Variants in CCDC136 observed in about 807,000 individuals in gnomAD.
CCDC136 encodes the protein coiled-coil domain-containing protein 136.
CCDC136 carries 100 observed loss-of-function variants against 141.2 expected under a neutral mutation model. The observed-to-expected ratio is 0.71, with a 90% CI of 0.60 to 0.84. CCDC136 has a LOEUF of 0.84. CCDC136 is among the 40% of genes least tolerant of loss of function. The pLI is 0.00. For synonymous variants in CCDC136, 474 were observed against 531.9 expected, an observed-to-expected ratio of 0.89 and a Z score of 1.50; for missense variants, 1,206 against 1,379.4, an observed-to-expected ratio of 0.87 and a Z score of 1.99.
intron 8 of CCDC136, 21 bp downstream of exon 8, chr7:128,806,416 G>C (rs767064578): frequency 6.3e-7 from 1 of 1,587,358 alleles, no homozygotes; most frequent in Middle Eastern, 1.7e-4. Context: ...CCAGAGGTGA[G>C]GGGACAACTT....
At position 128,815,701 on chromosome 7, in the gene CCDC136, G is replaced by C; in HGVS notation, c.3133G>C (p.Glu1045Gln). The change falls in exon 16 of 18, where the codon GAG (glutamate) becomes CAG (glutamine). Residue 1045 changes from glutamate (E) to glutamine (Q), a missense_variant. Glu to Gln is a conservative substitution (Grantham distance 29). Transcript: ENST00000297788. ...GGAGGAAAAGAAAGAGGAGATGGAGGAGGAAAAAAAGCAAGTGAAAGAGGA... is the reference window on the plus strand; with the variant it reads ...GGAGGAAAAGAAAGAGGAGATGGAGCAGGAAAAAAAGCAAGTGAAAGAGGA... ...KEEEKKEEME[E>Q]EKKQVKEEAK... The C allele has an allele frequency of 6.4e-7, 1 of 1,555,576 alleles. No homozygotes were observed. Among genetic ancestry groups the C allele is most frequent in the Non-Finnish European group, 8.7e-7 (1 of 1,149,330 alleles).
chr7:128,812,138 CTA>C lies in CCDC136; in HGVS notation c.2369_2370del (p.Tyr790Ter), dbSNP rs1316291071. On this transcript the variant is annotated frameshift_variant, in exon 13 of 18. Transcript: ENST00000297788. LOFTEE classifies it high-confidence loss of function. ...CCAGCAGCAAGAGCTTTCTCAAGAG[CTA>C]TGACAGCAGCACCAGTGCCAGTGAG... ...QTSSKSFLKSYDSSTSASEAY... is the reference protein window; with the variant it reads ...QTSSKSFLKSXDSSTSASEAY... The C allele has an allele frequency of 1.2e-6, 2 of 1,613,890 alleles. No homozygotes were observed. The highest frequency in any genetic ancestry group is 1.7e-6 in the Non-Finnish European group (2 of 1,179,898).
intron 15 of CCDC136, 71 bp from the exon 16 acceptor site, chr7:128,815,543 A>T: frequency 6.9e-7 from 1 of 1,452,980 alleles, no homozygotes; most frequent in Non-Finnish European, 9.2e-7. Context: ...TGGAGCTAGT[A>T]CAGCATTGTC....
chr7:128,805,998 C>T lies in CCDC136; in HGVS notation c.1089+97C>T, dbSNP rs1012204566. The T allele has an allele frequency of 2.6e-5, 37 of 1,415,378 alleles. No individual in the cohort carries two copies. In the African/African-American group the frequency reaches 3.5e-4, roughly 13 times the overall value. 87.7% of individuals were successfully genotyped at this position (1,415,378 alleles called of 1,614,324 possible). A position where few individuals can be genotyped will look rare whatever the true frequency, so the allele number is the denominator to read the frequency against. On this transcript the variant is annotated intron_variant, in intron 7 of 17. Coordinates refer to ENST00000297788, the MANE Select transcript of CCDC136 (RefSeq NM_022742.5). This position sits in a 1 kb window ranked among gnomAD's most constrained non-coding sequence, Gnocchi z 4.6. ...TGGGCACAGTGAGTATGGCTGTGCT[C>T]TGCTGACTCTTGCCCTGCAACTGGG...
Position 128,805,567 on chromosome 7 carries a change from T to G in CCDC136, c.948+43T>G, listed in dbSNP as rs369731554. 4,008 of 1,566,204 alleles carry G rather than the reference T, an allele frequency of 2.6e-3. 132 individuals carry two copies. The South Asian group carries it at 0.046, about 18-fold the overall frequency. On this transcript the variant is annotated intron_variant, in intron 6 of 17. Transcript: ENST00000297788. The surrounding 1 kb of genome is among the most constrained non-coding windows in gnomAD (Gnocchi z 4.6). ...GGGAAGGCAGGCACATTTCTTGTCT[T>G]TCTTTCACCTTCTCCCAGCCTGTGG...
At chr7:128,809,707 A>C in intron 11 of CCDC136, 63 bp downstream of exon 11, 1 of 1,222,230 alleles carries the variant, frequency 8.2e-7, no homozygotes. Flanking sequence ...TCCCTGTGTG[A>C]CTAGGGAAAA....
Position 128,817,819 on chromosome 7 carries a change from C to G in CCDC136, c.3425C>G (p.Ser1142Trp). The G allele has an allele frequency of 1.2e-6, 2 of 1,613,876 alleles. No individual in the cohort carries two copies. The highest frequency in any genetic ancestry group is 1.7e-6 in the Non-Finnish European group (2 of 1,179,864). Residue 1142 changes from serine to tryptophan, a missense_variant, in exon 17 of 18, where the codon TCG becomes TGG. Transcript: ENST00000297788. This position sits in a 1 kb window ranked among gnomAD's most constrained non-coding sequence, Gnocchi z 4.6. The stretch of plus-strand genomic sequence containing the variant: ...CCTCTTGTAGGCCTGGTGGTCATCT[C>G]GGCTTTGCTCTGGTGCTGGTGGGCT... ...SLPLVGLVVI[S>W]ALLWCWWAET...
In CCDC136 at chr7:128,801,383, C is replaced by T. The variant is rs1443752617; in HGVS notation, c.544C>T (p.Leu182Phe). ...GGATCTCTGCCGGATGCAGAATGAA[C>T]TTGAAGACATGGAACGCATTCGGGG... is the stretch of plus-strand genomic sequence containing the variant. ...QEDLCRMQNE[L>F]EDMERIRGDY... The change falls in exon 4 of 18, where the codon CTT (leucine) becomes TTT (phenylalanine). Residue 182 changes from leucine (L) to phenylalanine (F), a missense_variant. Physicochemically the swap from Leu to Phe is conservative, Grantham distance 22. Transcript: ENST00000297788. The T allele has an allele frequency of 2.2e-5, 36 of 1,613,408 alleles. No homozygotes were observed. The highest frequency in any genetic ancestry group is 2.8e-5 in the Non-Finnish European group (33 of 1,179,674).
chr7:128,820,515 C>T (rs979254755), intron 17 of CCDC136, among the ~76,000 whole-genome samples: 2 of 152,202 alleles, frequency 1.3e-5, no homozygotes, highest in Non-Finnish European at 2.9e-5. Flanking sequence ...TTTAAGAACA[C>T]CAGACTAACA....
chr7:128,815,706 A>T lies in CCDC136; in HGVS notation c.3138A>T (p.Glu1046Asp), dbSNP rs777801365. The change falls in exon 16 of 18, where the codon GAA becomes GAT. Residue 1046 changes from glutamate (E) to aspartate (D), a missense_variant. Coordinates refer to ENST00000297788, the MANE Select transcript of CCDC136 (RefSeq NM_022742.5). Reference protein sequence around the residue: ...EEEKKEEMEEEKKQVKEEAKE... With the variant: ...EEEKKEEMEEDKKQVKEEAKE... Reference sequence around the variant, plus strand: ...AAAAGAAAGAGGAGATGGAGGAGGAAAAAAAGCAAGTGAAAGAGGAAGCAA... The same window carrying T: ...AAAAGAAAGAGGAGATGGAGGAGGATAAAAAGCAAGTGAAAGAGGAAGCAA... 5.1e-6 allele frequency: 8 copies of T among 1,556,110 alleles called. No homozygotes were observed. The South Asian group carries it at 9.5e-5, about 18-fold the overall frequency.
intron 3 of CCDC136, among the ~76,000 whole-genome samples, chr7:128,796,739 ATTCTTTTT>A (rs1350784424): frequency 8.8e-6 from 1 of 113,384 alleles, no homozygotes; most frequent in African/African-American, 4.6e-5. Context: ...ATATATATAT[ATTCTTTTT>A]TTTTTTTTTT....
chr7:128,811,779 T>A (rs1244337776), intron 12 of CCDC136, 21 bp from the exon 13 acceptor site: 2 of 1,543,178 alleles, frequency 1.3e-6, no homozygotes, highest in African/African-American at 1.4e-5. Context: ...AATGATACTG[T>A]CTCCCCACCC....
In CCDC136 at chr7:128,813,582, G is replaced by A. The variant is rs188268611; in HGVS notation, c.2763+653G>A. Among the ~76,000 whole-genome samples the A allele has an allele frequency of 1.5e-3, 232 of 152,296 alleles. 1 individual carries two copies. The highest frequency in any genetic ancestry group is 5.2e-3 in the Admixed American group (80 of 15,296). On this transcript the variant is annotated intron_variant, in intron 14 of 17. Transcript: ENST00000297788. ...GGATGTGACTTGCCTCTGTTTCCAG[G>A]GTGAGGTGCAGGAGCCCAGTACACA...
intron 1 of CCDC136, 142 bp downstream of exon 1, chr7:128,792,569 G>A (rs776154433): frequency 1.4e-5 from 9 of 629,640 alleles, no homozygotes; most frequent in Non-Finnish European, 2.5e-5. Flanking sequence ...GCAGCTCAGA[G>A]CTCCAGCCCT....
In CCDC136 at chr7:128,805,708, A is replaced by G; in HGVS notation, c.949-53A>G. 1 of 1,602,240 alleles carries G rather than the reference A, an allele frequency of 6.2e-7. No homozygotes were observed. Among genetic ancestry groups the G allele is most frequent in the Non-Finnish European group, 8.5e-7 (1 of 1,172,828 alleles). ...ATGCTTTCCCCAAGCTTGTTCTTGG[A>G]GCATATGTGGTATCTGTAGTAAACA... On this transcript the variant is annotated intron_variant, in intron 6 of 17. Coordinates refer to ENST00000297788, the MANE Select transcript of CCDC136 (RefSeq NM_022742.5). This position sits in a 1 kb window ranked among gnomAD's most constrained non-coding sequence, Gnocchi z 4.6.
chr7:128,808,843 C>T (rs1257583821), intron 10 of CCDC136: 5 of 985,304 alleles, frequency 5.1e-6, no homozygotes, highest in East Asian at 1.1e-4. Context: ...GCAGACAGCA[C>T]CTGCTTTTTC....
chr7:128,803,786 A>G (rs1002671386), intron 4 of CCDC136, among the ~76,000 whole-genome samples: 1 of 151,694 alleles, frequency 6.6e-6, no homozygotes, highest in Admixed American at 6.6e-5. Flanking sequence ...TGGGCCTGTC[A>G]GCAGATAAAA....
chr7:128,796,799 T>G (rs1021844257), intron 3 of CCDC136, among the ~76,000 whole-genome samples: 3 of 141,758 alleles, frequency 2.1e-5, no homozygotes, highest in Non-Finnish European at 4.6e-5. Context: ...TGGAGTGCAG[T>G]GGCGGGATCT....
chr7:128,819,226 C>A (rs1807107659), intron 17 of CCDC136, among the ~76,000 whole-genome samples: 1 of 152,250 alleles, frequency 6.6e-6, no homozygotes, highest in Admixed American at 6.5e-5. Context: ...AGAGGAAGAA[C>A]TGCTGGTGAA....
Sources: gnomAD v4.1 joint callset for allele counts (sites outside exome capture counted in the v4.1 genomes callset) on GRCh38, gnomAD v4.1.1 for gene constraint, Gnocchi (gnomAD v3.1) non-coding constraint, MANE v1.5 for transcripts, NCBI Gene and HGNC (gene_info 2026-07-23, HGNC 2026-07-21) for gene names.